ZNF76: variants seen among roughly 807,000 people sequenced by gnomAD.
The protein encoded by ZNF76 is zinc finger protein 76.
Under a neutral mutation model 66.9 loss-of-function variants are expected in ZNF76, and 66 were observed. That is an observed-to-expected ratio of 0.99 (90% CI 0.81 to 1.21). The LOEUF is 1.21. ZNF76 is among the 50% of genes most tolerant of loss of function. ZNF76 has a pLI of 0.00. For synonymous variants in ZNF76, 275 were observed against 296.1 expected (o/e 0.93, Z 0.73); for missense variants, 729 against 760.3 (o/e 0.96, Z 0.48).
At chr6:35,291,014 TC>T (rs1264788304) in intron 7 of ZNF76, 1 of 595,068 alleles carries the variant, frequency 1.7e-6, no homozygotes, top group Non-Finnish European at 3.0e-6. Context: ...GGGCTTATTT[TC>T]CCCTCTGTGA....
In ZNF76 at chr6:35,290,147, C is replaced by G. The variant is rs1308921184; in HGVS notation, c.433-119C>G. Reference sequence around the variant, plus strand: ...GTCCGTCTAGTTATGTTCTTCTGCCCCAGAGGCCCCTGACAGGTTTAACCC... The same window carrying G: ...GTCCGTCTAGTTATGTTCTTCTGCCGCAGAGGCCCCTGACAGGTTTAACCC... On this transcript the variant is annotated intron_variant, in intron 5 of 13. Coordinates refer to ENST00000373953, the MANE Select transcript of ZNF76 (RefSeq NM_003427.5). The G allele has an allele frequency of 3.0e-6, 4 of 1,331,944 alleles. No homozygotes were observed. In the African/African-American group the frequency reaches 4.4e-5, roughly 15 times the overall value. The allele number at this position is 1,331,944 out of a possible 1,614,324, so 82.5% of individuals were successfully genotyped here.
intron 13 of ZNF76, chr6:35,294,831 T>C: frequency 1.8e-6 from 1 of 569,832 alleles, no homozygotes; most frequent in Non-Finnish European, 3.1e-6. Flanking sequence ...TCATTTTGTG[T>C]CTCTGTTTCT....
intron 1 of ZNF76, among the ~76,000 whole-genome samples, chr6:35,280,087 TCCCAAA>T (rs1788536961): frequency 6.6e-6 from 1 of 151,692 alleles, no homozygotes; most frequent in Non-Finnish European, 1.5e-5. Context: ...TGCCTCAGCC[TCCCAAA>T]GCACTGGGAT....
Position 35,291,723 on chromosome 6 carries a change from T to G in ZNF76, c.917T>G (p.Val306Gly), listed in dbSNP as rs754227689. The G allele has an allele frequency of 6.2e-7, 1 of 1,609,298 alleles. No homozygotes were observed. Among genetic ancestry groups the G allele is most frequent in the South Asian group, 1.1e-5 (1 of 91,088 alleles). The part of the protein sequence containing the change: ...FTSATNYKNH[V>G]RIHTGEKPYV... ...AGCGCCACCAACTATAAGAATCACG[T>G]GCGCATCCACACAGGTGGGCTAGCT... The change falls in exon 9 of 14, where the codon GTG becomes GGG. Residue 306 changes from valine (V) to glycine (G), a missense_variant. Coordinates refer to ENST00000373953, the MANE Select transcript of ZNF76 (RefSeq NM_003427.5).
At chr6:35,268,727 C>T (rs1312157012) in intron 1 of ZNF76, among the ~76,000 whole-genome samples, 2 of 150,654 alleles carry the variant, frequency 1.3e-5, no homozygotes, top group African/African-American at 2.4e-5. Flanking sequence ...GAGCCAAGAT[C>T]GCACCATTGC....
chr6:35,286,475 G>A, intron 4 of ZNF76, 76 bp downstream of exon 4: 2 of 1,370,136 alleles, frequency 1.5e-6, no homozygotes, highest in Non-Finnish European at 2.1e-6. Context: ...ACTGGAGGAT[G>A]GGATGGCACA....
Position 35,273,937 on chromosome 6 carries a change from G to C in ZNF76, c.-96-7119G>C, listed in dbSNP as rs146222328. Among the ~76,000 whole-genome samples the C allele has an allele frequency of 8.9e-3, 1,350 of 152,212 alleles. 7 individuals carry two copies. The highest frequency in any genetic ancestry group is 0.026 in the African/African-American group (1,065 of 41,528). On this transcript the variant is annotated intron_variant, in intron 1 of 13. Transcript: ENST00000373953. ...TTTTAGCTGTTTAAAACTTATGTTA[G>C]TGCAAGTTTGTGTTACTAATTTCCT... is the stretch of plus-strand genomic sequence containing the variant.
At chr6:35,264,512 G>A (rs183245184) in intron 1 of ZNF76, among the ~76,000 whole-genome samples, 1 of 152,298 alleles carries the variant, frequency 6.6e-6, no homozygotes, top group Admixed American at 6.5e-5. Flanking sequence ...GGTAATTTTT[G>A]AAGTTGGATA....
chr6:35,291,506 C>T (rs759800295), intron 8 of ZNF76, 52 bp from the exon 9 acceptor site: 84 of 1,606,530 alleles, frequency 5.2e-5, no homozygotes, highest in Non-Finnish European at 6.8e-5. Flanking sequence ...CCAGCTTGCT[C>T]CAGCATGGCC....
intron 2 of ZNF76, among the ~76,000 whole-genome samples, chr6:35,282,947 A>G (rs1182688278): frequency 1.3e-5 from 2 of 152,138 alleles, no homozygotes; most frequent in Non-Finnish European, 2.9e-5. Flanking sequence ...ATGCTTTTGA[A>G]GCCTGAAACT....
intron 9 of ZNF76, 138 bp downstream of exon 9, chr6:35,291,875 G>T: frequency 3.2e-6 from 3 of 941,672 alleles, no homozygotes; most frequent in South Asian, 3.1e-5. Context: ...CTGGGGGTAG[G>T]GTATCCCCAG....
chr6:35,280,994 G>T (rs1184967368), intron 1 of ZNF76, 62 bp from the exon 2 acceptor site: 4 of 711,056 alleles, frequency 5.6e-6, no homozygotes, highest in African/African-American at 1.7e-5. Flanking sequence ...CTCCTTCCCT[G>T]AGTGTCTTTG....
intron 1 of ZNF76, among the ~76,000 whole-genome samples, chr6:35,269,354 T>G (rs1562091168): frequency 6.6e-6 from 1 of 151,758 alleles, no homozygotes; most frequent in East Asian, 1.9e-4. Flanking sequence ...TCAGAAGGAT[T>G]TGTGATGTTG....
chr6:35,285,670 T>C (rs924166967), intron 2 of ZNF76, among the ~76,000 whole-genome samples: 2 of 152,212 alleles, frequency 1.3e-5, no homozygotes, highest in Admixed American at 1.3e-4. Context: ...CTATATATCC[T>C]GCCTTCACAG....
intron 1 of ZNF76, among the ~76,000 whole-genome samples, chr6:35,268,574 G>C (rs1405147649): frequency 6.6e-6 from 1 of 152,050 alleles, no homozygotes; most frequent in Non-Finnish European, 1.5e-5. Flanking sequence ...GGCTGAGATG[G>C]GCAGATCACG....
Position 35,291,635 on chromosome 6 carries a change from C to G in ZNF76, c.829C>G (p.Arg277Gly), listed in dbSNP as rs748068461. 5.0e-6 allele frequency: 8 copies of G among 1,613,922 alleles called. No homozygotes were observed. The East Asian group carries it at 1.8e-4, about 36-fold the overall frequency. Residue 277 changes from arginine (R) to glycine (G), a missense_variant, in exon 9 of 14, where the codon CGC (arginine) becomes GGC (glycine). Coordinates refer to ENST00000373953, the MANE Select transcript of ZNF76 (RefSeq NM_003427.5). Reference protein sequence around the residue: ...TTSNIRKVHVRTHTGERPYTC... With the variant: ...TTSNIRKVHVGTHTGERPYTC... Reference sequence around the variant, plus strand: ...ATCTAACATCCGCAAGGTACATGTGCGCACCCACACAGGCGAGAGGCCCTA... The same window carrying G: ...ATCTAACATCCGCAAGGTACATGTGGGCACCCACACAGGCGAGAGGCCCTA...
chr6:35,281,885 A>G (rs544054335), intron 2 of ZNF76, among the ~76,000 whole-genome samples: 2 of 151,694 alleles, frequency 1.3e-5, no homozygotes, highest in Admixed American at 1.3e-4. Context: ...TCAGTGAACT[A>G]TCACTGCACC....
intron 1 of ZNF76, among the ~76,000 whole-genome samples, chr6:35,261,596 TA>T (rs202049625): frequency 6.6e-6 from 1 of 152,108 alleles, no homozygotes; most frequent in Non-Finnish European, 1.5e-5. Flanking sequence ...ACCCACAGTT[TA>T]AAAAAACAAA....
chr6:35,271,838 T>C (rs1002165373), intron 1 of ZNF76, among the ~76,000 whole-genome samples: 5 of 152,160 alleles, frequency 3.3e-5, no homozygotes, highest in African/African-American at 1.2e-4. Flanking sequence ...CCTATAATTC[T>C]AGCACTTTGT....
Sources: allele counts gnomAD v4.1 joint callset (sites outside exome capture counted in the v4.1 genomes callset), GRCh38; gene constraint gnomAD v4.1.1; transcripts MANE v1.5; gene names NCBI Gene and HGNC (gene_info 2026-07-23, HGNC 2026-07-21).